FHIP1B: variants seen among roughly 807,000 people sequenced by gnomAD.
FHIP1B encodes the protein FHF complex subunit HOOK-interacting protein 1B.
In FHIP1B, 28 loss-of-function variants were observed where a neutral mutation model predicts 82.2. The observed-to-expected ratio is 0.34, with a 90% confidence interval of 0.25 to 0.47. FHIP1B has a LOEUF of 0.47. FHIP1B is among the 20% of genes least tolerant of loss of function. The pLI, the probability that FHIP1B is intolerant of heterozygous loss-of-function variation, is 1.00. For synonymous variants in FHIP1B, 585 were observed against 516.1 expected, an observed-to-expected ratio of 1.13 and a Z score of -1.81; for missense variants, 1,110 against 1,262.6, an observed-to-expected ratio of 0.88 and a Z score of 1.83.
At chr11:6,213,063 C>A (rs1396063499) in intron 11 of FHIP1B, among the ~76,000 whole-genome samples, 1 of 152,182 alleles carries the variant, frequency 6.6e-6, no homozygotes, top group African/African-American at 2.4e-5. Context: ...AACTTAAGGG[C>A]CTAGACTGTG....
In FHIP1B at chr11:6,217,514, C is replaced by T. The variant is rs374838753; in HGVS notation, c.2072G>A (p.Gly691Asp). ...TGGAGGTTCTAAGGGGGACTCTGAG[C>T]CAGTTCCCCCATTGCTCAATGCCAC... is the stretch of plus-strand genomic sequence containing the variant. ...LEVALSNGGT[G>D]SESPLEPPLP... is the part of the protein sequence containing the mutation. Residue 691 changes from glycine (G) to aspartate (D), a missense_variant, in exon 9 of 12, where the codon GGC becomes GAC. Gly to Asp is a moderately conservative substitution (Grantham distance 94, BLOSUM62 -1). Transcript: ENST00000449352. 14 of 1,611,698 alleles carry T rather than the reference C, an allele frequency of 8.7e-6. No individual in the cohort carries two copies. The highest frequency in any genetic ancestry group is 6.7e-5 in the African/African-American group (5 of 74,854).
rs775067013 is a variant in FHIP1B at position 6,214,724 on chromosome 11, A to T, written c.2394+9T>A. Reference sequence around the variant, plus strand: ...CCTGGACGCACCCATGCATGCATGCATCGCACACCTGCAGCAGGGACTTGA... The same window carrying T: ...CCTGGACGCACCCATGCATGCATGCTTCGCACACCTGCAGCAGGGACTTGA... On this transcript the variant is annotated intron_variant, in intron 10 of 11. Transcript: ENST00000449352. 5 of 1,564,172 alleles carry T rather than the reference A, an allele frequency of 3.2e-6. No homozygotes were observed. Among genetic ancestry groups the T allele is most frequent in the Admixed American group, 1.8e-5 (1 of 54,972 alleles).
At chr11:6,233,560 C>T (rs932538041) in intron 1 of FHIP1B, among the ~76,000 whole-genome samples, 3 of 152,176 alleles carry the variant, frequency 2.0e-5, no homozygotes, top group African/African-American at 7.2e-5. Context: ...CATGTCAAAA[C>T]TCATCAAACA....
In FHIP1B at chr11:6,218,065, C is replaced by A. The variant is rs758921301; in HGVS notation, c.1521G>T (p.Arg507=). ...ACTCAGAGCCACCCAGGCTCTGCTGCCGCAGGAAGAGAGCCAGACGAGATG... is the reference window on the plus strand; with the variant it reads ...ACTCAGAGCCACCCAGGCTCTGCTGACGCAGGAAGAGAGCCAGACGAGATG... ...STPSRLALFL[R]QQSLGGSESP... is the part of the protein sequence containing the mutation. The change falls in exon 9 of 12, where the codon CGG becomes CGT. Residue 507 remains arginine (R), a synonymous_variant. Coordinates refer to ENST00000449352, the MANE Select transcript of FHIP1B (RefSeq NM_001098794.2). 6.2e-7 allele frequency: 1 copy of A among 1,613,448 alleles called. No homozygotes were observed. The highest frequency in any genetic ancestry group is 8.5e-7 in the Non-Finnish European group (1 of 1,179,744).
Position 6,227,282 on chromosome 11 carries a change from C to T in FHIP1B, c.-191-2575G>A, listed in dbSNP as rs1421673763. 2.6e-5 allele frequency among the ~76,000 whole-genome samples: 4 copies of T among 152,198 alleles called. No individual in the cohort carries two copies. The East Asian group carries it at 7.7e-4, about 29-fold the overall frequency. On this transcript the variant is annotated intron_variant, in intron 1 of 11. Coordinates refer to ENST00000449352, the MANE Select transcript of FHIP1B (RefSeq NM_001098794.2). ...TTTAAGTATTATTATCCACATTTTA[C>T]ATAGGAGGAAATCAAGGCCCAGAGA...
Position 6,216,869 on chromosome 11 carries a change from C to T in FHIP1B, c.2215+502G>A. On this transcript the variant is annotated intron_variant, in intron 9 of 11. Coordinates refer to ENST00000449352, the MANE Select transcript of FHIP1B (RefSeq NM_001098794.2). ...CTTTGAAGAGGTGGGGAGGAAGGAG[C>T]TGAGTAGGGAGAAAAATACCAGAAG... 1.9e-5 allele frequency: 11 copies of T among 588,728 alleles called. No individual in the cohort carries two copies. In the South Asian group the frequency reaches 2.3e-4, roughly 12 times the overall value. The allele number at this position is 588,728 out of a possible 1,614,324, so 36.5% of individuals were successfully genotyped here.
chr11:6,222,625 G>C lies in FHIP1B; in HGVS notation c.1024-16C>G. 6.2e-7 allele frequency: 1 copy of C among 1,612,856 alleles called. No homozygotes were observed. The highest frequency in any genetic ancestry group is 1.1e-5 in the South Asian group (1 of 91,020). On this transcript the variant is annotated splice_polypyrimidine_tract_variant and intron_variant, in intron 5 of 11. Transcript: ENST00000449352. ...CCACAGAGGTCTGCACAAAAAGAAG[G>C]GAAAGTCTGGAAATGCACAGCTTCC...
intron 1 of FHIP1B, among the ~76,000 whole-genome samples, chr11:6,231,168 T>C (rs1847687439): frequency 6.6e-6 from 1 of 152,084 alleles, no homozygotes; most frequent in African/African-American, 2.4e-5. Context: ...GATGTAGCAA[T>C]GGAGATATAG....
At position 6,211,351 on chromosome 11, in the gene FHIP1B, T is replaced by C; in HGVS notation, c.*155A>G. 6.9e-6 allele frequency: 8 copies of C among 1,159,260 alleles called. No homozygotes were observed. Among genetic ancestry groups the C allele is most frequent in the Non-Finnish European group, 8.2e-6 (7 of 849,886 alleles). The allele number at this position is 1,159,260 out of a possible 1,614,324, so 71.8% of individuals were successfully genotyped here. On this transcript the variant is annotated 3_prime_UTR_variant, in exon 12 of 12. Coordinates refer to ENST00000449352, the MANE Select transcript of FHIP1B (RefSeq NM_001098794.2). The stretch of plus-strand genomic sequence containing the variant: ...AAGAAAAATGAGCACAGAATAGAGA[T>C]TTCCCTTTTATACATATTGCAACAA...
intron 1 of FHIP1B, among the ~76,000 whole-genome samples, chr11:6,228,725 G>A (rs187556889): frequency 1.3e-3 from 200 of 152,312 alleles, no homozygotes; most frequent in Non-Finnish European, 1.7e-3. Context: ...AAATGGGTGA[G>A]AAGGTGGCAA....
chr11:6,211,485 C>T lies in FHIP1B; in HGVS notation c.*21G>A. ...GCCCCAGCCCGGGCCACCCATGGCC[C>T]TGATTGTCCATGGAAGAAAGTTAAG... is the stretch of plus-strand genomic sequence containing the variant. On this transcript the variant is annotated 3_prime_UTR_variant, in exon 12 of 12. Coordinates refer to ENST00000449352, the MANE Select transcript of FHIP1B (RefSeq NM_001098794.2). The T allele has an allele frequency of 6.4e-7, 1 of 1,553,964 alleles. No individual in the cohort carries two copies. The highest frequency in any genetic ancestry group is 8.7e-7 in the Non-Finnish European group (1 of 1,154,342).
In FHIP1B at chr11:6,218,654, A is replaced by C. The variant is rs1444937518; in HGVS notation, c.1381T>G (p.Cys461Gly). Residue 461 changes from cysteine to glycine, a missense_variant, in exon 8 of 12, where the codon TGT (cysteine) becomes GGT (glycine). Physicochemically the swap from Cys to Gly is radical, Grantham distance 159. Around this residue, in one of 6 missense-constraint regions of FHIP1B, gnomAD observed 467 missense variants for 602.9 expected, o/e 0.77. Coordinates refer to ENST00000449352, the MANE Select transcript of FHIP1B (RefSeq NM_001098794.2). ...GGTGGGCTGGGGGCGTGGTGCCGAC[A>C]ACAGCGTGGGATTAGGGAGAGAAAC... is the stretch of plus-strand genomic sequence containing the variant. ...DKFLSLIPRC[C>G]RHHAPSPPRP... is the part of the protein sequence containing the mutation. The C allele has an allele frequency of 6.8e-6, 11 of 1,614,038 alleles. No individual in the cohort carries two copies. The highest frequency in any genetic ancestry group is 9.3e-6 in the Non-Finnish European group (11 of 1,180,044).
chr11:6,214,338 T>A lies in FHIP1B; in HGVS notation c.2557+73A>T, dbSNP rs544683036. On this transcript the variant is annotated intron_variant, in intron 11 of 11. Coordinates refer to ENST00000449352, the MANE Select transcript of FHIP1B (RefSeq NM_001098794.2). ...TCCTGGCACAACATTTCACTCTTAA[T>A]AAGAGCTCAATTAACCTGGGTTAAT... 8.2e-5 allele frequency: 122 copies of A among 1,488,640 alleles called. No individual in the cohort carries two copies. The Middle Eastern group carries it at 1.0e-3, about 12-fold the overall frequency. The allele number at this position is 1,488,640 out of a possible 1,614,324, so 92.2% of individuals were successfully genotyped here.
chr11:6,219,453 G>A (rs533673702), intron 6 of FHIP1B, among the ~76,000 whole-genome samples: 6 of 152,212 alleles, frequency 3.9e-5, no homozygotes, highest in Non-Finnish European at 8.8e-5. Flanking sequence ...AGAAGGGACT[G>A]TAGCAATACA....
At position 6,218,752 on chromosome 11, in the gene FHIP1B, G is replaced by A; in HGVS notation, c.1283C>T (p.Pro428Leu). ...CTGGCTCAGCATAACGTGGTTACAT[G>A]GAACAAGATACCTGAGAAAGACATC... is the stretch of plus-strand genomic sequence containing the variant. Reference protein sequence around the residue: ...LLQLVLRYLVPCNHVMLSQKP... With the variant: ...LLQLVLRYLVLCNHVMLSQKP... The change falls in exon 8 of 12, where the codon CCA becomes CTA. Residue 428 changes from proline to leucine, a missense_variant. By Grantham distance (98) the Pro-to-Leu change is moderately conservative. Around this residue, in one of 6 missense-constraint regions of FHIP1B, gnomAD observed 467 missense variants for 602.9 expected, o/e 0.77. Coordinates refer to ENST00000449352, the MANE Select transcript of FHIP1B (RefSeq NM_001098794.2). The A allele has an allele frequency of 6.2e-7, 1 of 1,614,116 alleles. No homozygotes were observed. The highest frequency in any genetic ancestry group is 8.5e-7 in the Non-Finnish European group (1 of 1,180,018).
intron 9 of FHIP1B, among the ~76,000 whole-genome samples, chr11:6,215,633 A>C (rs778434005): frequency 2.0e-5 from 3 of 152,222 alleles, no homozygotes; most frequent in Non-Finnish European, 4.4e-5. Flanking sequence ...GTGGAACAGA[A>C]TATGTAGTAA....
rs377739879 is a variant in FHIP1B at position 6,211,829 on chromosome 11, G to T, written c.2596C>A (p.Arg866=). The change falls in exon 12 of 12, where the codon CGG becomes AGG. Residue 866 remains arginine, a synonymous_variant. Transcript: ENST00000449352. The part of the protein sequence containing the change: ...RRPSLGELLL[R]HAHSPTRARQ... Reference sequence around the variant, plus strand: ...GCCCTGGTTGGACTGTGTGCATGCCGCAGGAGTAACTCCCCCAAGGATGGC... The same window carrying T: ...GCCCTGGTTGGACTGTGTGCATGCCTCAGGAGTAACTCCCCCAAGGATGGC... 512 of 1,595,940 alleles carry T rather than the reference G, an allele frequency of 3.2e-4. No individual in the cohort carries two copies. The highest frequency in any genetic ancestry group is 4.2e-4 in the Non-Finnish European group (492 of 1,172,866).
At chr11:6,214,256 C>G (rs951670115) in intron 11 of FHIP1B, among the ~76,000 whole-genome samples, 155 bp downstream of exon 11, 16 of 152,102 alleles carry the variant, frequency 1.1e-4, no homozygotes, top group African/African-American at 3.9e-4. Flanking sequence ...ATGTTCTGTC[C>G]CCTGACCAGA....
At chr11:6,227,894 G>A (rs938034477) in intron 1 of FHIP1B, among the ~76,000 whole-genome samples, 2 of 152,186 alleles carry the variant, frequency 1.3e-5, no homozygotes, top group Non-Finnish European at 2.9e-5. Flanking sequence ...AGAAACTGGA[G>A]GTTGCCCATA....
Sources: allele counts gnomAD v4.1 joint callset (sites outside exome capture counted in the v4.1 genomes callset), GRCh38; gene constraint gnomAD v4.1.1; regional missense constraint gnomAD v4.1.1; transcripts MANE v1.5; gene names NCBI Gene and HGNC (gene_info 2026-07-23, HGNC 2026-07-21).